GPHN: variants seen among roughly 807,000 people sequenced by gnomAD.
The protein encoded by GPHN is gephyrin.
In GPHN, 17 loss-of-function variants were observed where a neutral mutation model predicts 95.5. The observed-to-expected ratio is 0.18, with a 90% CI of 0.12 to 0.27. The LOEUF (loss-of-function observed/expected upper bound fraction) is 0.27. GPHN is among the 10% of genes least tolerant of loss of function. The pLI is 1.00. For synonymous variants in GPHN, 320 were observed against 322.5 expected (o/e 0.99, Z 0.08); for missense variants, 660 against 978.1 (o/e 0.67, Z 4.34).
the GPHN span, chr14:67,587,410 A>C: frequency 1.4e-6 from 1 of 694,932 alleles, no homozygotes; most frequent in South Asian, 1.8e-5. Context: ...ATAATGTTTC[A>C]GGGCTCAACT....
the GPHN span, among the ~76,000 whole-genome samples, chr14:67,354,398 T>C: frequency 5.9e-5 from 9 of 152,230 alleles, no homozygotes; most frequent in African/African-American, 2.2e-4. Context: ...ATCTATCCAC[T>C]AATATATATC....
At chr14:67,717,155 G>A in the GPHN span, among the ~76,000 whole-genome samples, 2 of 152,000 alleles carry the variant, frequency 1.3e-5, no homozygotes, top group African/African-American at 4.8e-5. Flanking sequence ...TCCTTTGGAT[G>A]TAAAATTTGT....
chr14:66,585,251 T>G (rs2061371738), intron 1 of GPHN, among the ~76,000 whole-genome samples: 1 of 152,208 alleles, frequency 6.6e-6, no homozygotes, highest in Non-Finnish European at 1.5e-5. Flanking sequence ...TTGTTATTTT[T>G]TGTCACGTCT....
the GPHN span, among the ~76,000 whole-genome samples, chr14:67,222,295 TTTG>T: frequency 1.1e-4 from 16 of 152,178 alleles, no homozygotes; most frequent in Admixed American, 6.5e-5. Context: ...TGTTTGTTTG[TTTG>T]TTGTTGTTTT....
chr14:66,949,539 C>G (rs962477099), intron 8 of GPHN, among the ~76,000 whole-genome samples: 1 of 152,108 alleles, frequency 6.6e-6, no homozygotes, highest in African/African-American at 2.4e-5. Flanking sequence ...ACTTGGCCAC[C>G]AAGCTGGTCA....
the GPHN span, among the ~76,000 whole-genome samples, chr14:67,676,150 C>G: frequency 1.3e-5 from 2 of 152,168 alleles, no homozygotes; most frequent in African/African-American, 4.8e-5. Context: ...CTCAAGGTGT[C>G]TGTTCTCAAA....
intron 1 of GPHN, among the ~76,000 whole-genome samples, chr14:66,529,682 A>G (rs909029899): frequency 3.3e-5 from 5 of 152,090 alleles, no homozygotes; most frequent in South Asian, 2.1e-4. Context: ...TGTTGATGCT[A>G]TCCCTTTCTG....
intron 11 of GPHN, among the ~76,000 whole-genome samples, chr14:67,086,613 C>T (rs1228403124): frequency 2.0e-5 from 3 of 147,346 alleles, no homozygotes; most frequent in Admixed American, 1.4e-4. Context: ...GATTGCGCCA[C>T]TGCACTCCAG....
chr14:66,926,906 C>T (rs764333040), intron 8 of GPHN, among the ~76,000 whole-genome samples: 31 of 152,002 alleles, frequency 2.0e-4, no homozygotes, highest in Non-Finnish European at 3.7e-4. Flanking sequence ...TGTGTGTGTC[C>T]ACTTCAATTT....
chr14:67,392,356 C>T, the GPHN span: 10 of 1,613,046 alleles, frequency 6.2e-6, no homozygotes, highest in East Asian at 1.3e-4. Context: ...GTTTCACCAC[C>T]GTGCCACTTA....
chr14:67,692,194 C>T, the GPHN span: 1 of 453,492 alleles, frequency 2.2e-6, no homozygotes, highest in African/African-American at 2.1e-5. Flanking sequence ...CTGAGACTCC[C>T]ATGAGATTTC....
At chr14:67,667,585 C>T in the GPHN span, among the ~76,000 whole-genome samples, 78 of 152,298 alleles carry the variant, frequency 5.1e-4, no homozygotes, top group Middle Eastern at 0.01. Flanking sequence ...ATAGAAACCA[C>T]CATTGTTTCT....
intron 4 of GPHN, among the ~76,000 whole-genome samples, chr14:66,854,250 C>A (rs142293756): frequency 3.9e-5 from 6 of 152,268 alleles, no homozygotes; most frequent in African/African-American, 1.2e-4. Flanking sequence ...GTCTCAATAC[C>A]CTTCAGTCAT....
At chr14:66,978,282 G>A (rs1043117315) in intron 9 of GPHN, among the ~76,000 whole-genome samples, 3 of 152,138 alleles carry the variant, frequency 2.0e-5, no homozygotes, top group Non-Finnish European at 2.9e-5. Flanking sequence ...TTGCCAGATC[G>A]ATTGACCCTT....
rs527855816 is a variant in GPHN, at chr14:67,096,279, C to A, written c.1238-4577C>A. 5.9e-5 allele frequency among the ~76,000 whole-genome samples: 9 copies of A among 152,292 alleles called. 1 individual carries two copies. In the South Asian group the frequency reaches 1.9e-3, roughly 32 times the overall value. On this transcript the variant is annotated intron_variant, in intron 12 of 22. Transcript: ENST00000478722. ...GTATACTTTCCCTGATAACAAAGAC[C>A]TTGCTCCTTAGAATCGCTTCAGAGT...
the GPHN span, among the ~76,000 whole-genome samples, chr14:67,719,786 ATGTT>A: frequency 6.6e-6 from 1 of 152,036 alleles, no homozygotes; most frequent in African/African-American, 2.4e-5. Context: ...CCAAAATTTA[ATGTT>A]TATTTACTTA....
At chr14:66,569,780 T>TA in intron 1 of GPHN, among the ~76,000 whole-genome samples, 1 of 152,188 alleles carries the variant, frequency 6.6e-6, no homozygotes, top group Non-Finnish European at 1.5e-5. Context: ...ATGTATGCAT[T>TA]ACCTCACATA....
At chr14:66,541,022 A>T (rs2059335376) in intron 1 of GPHN, among the ~76,000 whole-genome samples, 1 of 151,882 alleles carries the variant, frequency 6.6e-6, no homozygotes, top group Non-Finnish European at 1.5e-5. Flanking sequence ...ATCTTGGCTC[A>T]CTGCAACCTC....
At chr14:67,439,569 C>CTTTCTTTCTTTCTTTCTTTCTTTT in the GPHN span, among the ~76,000 whole-genome samples, 2 of 138,708 alleles carry the variant, frequency 1.4e-5, no homozygotes, top group African/African-American at 6.3e-5. Flanking sequence ...TTCTTTCTTT[C>CTTTCTTTCTTTCTTTCTTTCTTTT]TTTCTTTCTT....
Sources: allele counts gnomAD v4.1 joint callset (sites outside exome capture counted in the v4.1 genomes callset), GRCh38; gene constraint gnomAD v4.1.1; transcripts MANE v1.5; gene names NCBI Gene and HGNC (gene_info 2026-07-23, HGNC 2026-07-21).